Variants in HAGHL observed in about 807,000 individuals in gnomAD.
The protein encoded by HAGHL is hydroxyacylglutathione hydrolase like, also known as hydroxyacylglutathione hydrolase-like protein.
HAGHL carries 27 observed loss-of-function variants against 29.2 expected under a neutral mutation model. The ratio of observed to expected loss-of-function variants is 0.92; its 90% CI spans 0.68 to 1.27. HAGHL has a LOEUF of 1.27. Ranked by LOEUF, HAGHL falls within the 50% of genes most tolerant of loss-of-function variation. The pLI is 0.00. For synonymous variants in HAGHL, 223 were observed against 185.7 expected (o/e 1.20, Z -1.63); for missense variants, 529 against 405.5 (o/e 1.30, Z -2.62).
In HAGHL at chr16:729,275, C is replaced by A; in HGVS notation, c.681-13C>A. ...GCAGCGGGCCCTGCGCCTCACTGCACCCCTCCCTGCAGAGAGGAGCCGGTG... is the reference window on the plus strand; with the variant it reads ...GCAGCGGGCCCTGCGCCTCACTGCAACCCTCCCTGCAGAGAGGAGCCGGTG... On this transcript the variant is annotated splice_polypyrimidine_tract_variant and intron_variant, in intron 7 of 7. Transcript: ENST00000389703. The A allele has an allele frequency of 6.6e-7, 1 of 1,516,366 alleles. No individual in the cohort carries two copies. 93.9% of individuals were successfully genotyped at this position (1,516,366 alleles called of 1,614,324 possible). A position where few individuals can be genotyped will look rare whatever the true frequency, so the allele number is the denominator to read the frequency against.
chr16:728,946 C>A (rs1208534743), intron 6 of HAGHL, 51 bp downstream of exon 6: 3 of 1,453,910 alleles, frequency 2.1e-6, no homozygotes, highest in Admixed American at 2.2e-5. Context: ...AGGGAACAGG[C>A]TTCGGGGTGG....
At chr16:727,846 C>T in intron 1 of HAGHL, 119 bp from the exon 2 acceptor site, 1 of 1,112,248 alleles carries the variant, frequency 9.0e-7, no homozygotes, top group Non-Finnish European at 1.3e-6. Context: ...GCTGGGTCCC[C>T]GCTCCCCGGC....
intron 1 of HAGHL, 163 bp downstream of exon 1, chr16:727,777 C>CCT: frequency 1.4e-6 from 1 of 733,984 alleles, no homozygotes; most frequent in Non-Finnish European, 2.2e-6. Context: ...GCACCTCTGG[C>CCT]CTCCGCCCTT....
intron 7 of HAGHL, 81 bp downstream of exon 7, chr16:729,169 G>T (rs1262466185): frequency 6.3e-7 from 1 of 1,580,870 alleles, no homozygotes; most frequent in East Asian, 2.3e-5. Flanking sequence ...GTTGGGCTGA[G>T]TGAGCATCTC....
intron 7 of HAGHL, 93 bp from the exon 8 acceptor site, chr16:729,192 GGCT>G (rs2041227083): frequency 2.6e-6 from 4 of 1,565,454 alleles, no homozygotes; most frequent in Non-Finnish European, 3.5e-6. Context: ...GCTTGGGGGA[GGCT>G]GCTCATTAAG....
intron 1 of HAGHL, 55 bp downstream of exon 1, chr16:727,669 C>A: frequency 8.2e-7 from 1 of 1,213,996 alleles, no homozygotes; most frequent in Non-Finnish European, 1.2e-6. Flanking sequence ...AGAGCCTCCC[C>A]GACCCCCCTG....
In HAGHL at chr16:729,359, G is replaced by A. The variant is rs567779896; in HGVS notation, c.752G>A (p.Arg251Gln). Residue 251 changes from arginine to glutamine, a missense_variant, in exon 8 of 8, where the codon CGG becomes CAG. Physicochemically the swap from Arg to Gln is conservative, Grantham distance 43 (BLOSUM62 1). Transcript: ENST00000389703. ...GTCCTGGAGGCGCTATGCAAGGAGC[G>A]GGCGCGCTTCGAACAGGCGGGCGAG... ...ADVLEALCKE[R>Q]ARFEQAGEPR... The A allele has an allele frequency of 5.2e-6, 8 of 1,532,916 alleles. No homozygotes were observed. The highest frequency in any genetic ancestry group is 6.1e-6 in the Non-Finnish European group (7 of 1,141,526). The allele number at this position is 1,532,916 out of a possible 1,614,324, so 95.0% of individuals were successfully genotyped here.
At position 727,401 on chromosome 16, in the gene HAGHL, G is replaced by C. The variant is rs1219859680; in HGVS notation, c.-109G>C. 1 of 611,606 alleles carries C rather than the reference G, an allele frequency of 1.6e-6. No individual in the cohort carries two copies. The highest frequency in any genetic ancestry group is 3.1e-5 in the East Asian group (1 of 32,130). The allele number at this position is 611,606 out of a possible 1,614,324, so 37.9% of individuals were successfully genotyped here. A position where few individuals can be genotyped will look rare whatever the true frequency, so the allele number is the denominator to read the frequency against. On this transcript the variant is annotated 5_prime_UTR_variant, in exon 1 of 8. Coordinates refer to ENST00000389703, the MANE Select transcript of HAGHL (RefSeq NM_032304.4). ...GGCCCCCAGCGTGTTGACCGAGCCCGCTTCGCACAGCCCTTCCTAGGGTGT... is the reference window on the plus strand; with the variant it reads ...GGCCCCCAGCGTGTTGACCGAGCCCCCTTCGCACAGCCCTTCCTAGGGTGT...
Position 728,046 on chromosome 16 carries a change from C to T in HAGHL, c.170+17C>T. The T allele has an allele frequency of 6.3e-7, 1 of 1,576,290 alleles. No homozygotes were observed. Among genetic ancestry groups the T allele is most frequent in the Admixed American group, 1.8e-5 (1 of 55,864 alleles). On this transcript the variant is annotated intron_variant, in intron 2 of 7. Coordinates refer to ENST00000389703, the MANE Select transcript of HAGHL (RefSeq NM_032304.4). ...CCATCACTGGTGAGCGCCGGCGGGG[C>T]GCGGGGAGGCACGAGGACGCCGCCT... is the stretch of plus-strand genomic sequence containing the variant.
chr16:728,535 G>T lies in HAGHL; in HGVS notation c.429G>T (p.Ser143=), dbSNP rs1336389005. Residue 143 remains serine (S), a synonymous_variant, in exon 5 of 8, where the codon TCG becomes TCT. Transcript: ENST00000389703. The stretch of plus-strand genomic sequence containing the variant: ...CGCTGTCGGTGGCCGGCTGCGGCTC[G>T]TGCCTGGAGGGCAGCGCCCAGCAGA... ...GDALSVAGCG[S]CLEGSAQQMY... The T allele has an allele frequency of 1.3e-6, 2 of 1,526,594 alleles. No individual in the cohort carries two copies. Among genetic ancestry groups the T allele is most frequent in the Non-Finnish European group, 1.7e-6 (2 of 1,143,012 alleles). 94.6% of individuals were successfully genotyped at this position (1,526,594 alleles called of 1,614,324 possible).
rs998530881 is a variant in HAGHL, at chr16:727,315, C to T, written c.-195C>T. 6 of 517,358 alleles carry T rather than the reference C, an allele frequency of 1.2e-5. No individual in the cohort carries two copies. The highest frequency in any genetic ancestry group is 2.1e-5 in the Non-Finnish European group (6 of 287,512). 32.0% of individuals were successfully genotyped at this position (517,358 alleles called of 1,614,324 possible). On this transcript the variant is annotated 5_prime_UTR_variant, in exon 1 of 8. Coordinates refer to ENST00000389703, the MANE Select transcript of HAGHL (RefSeq NM_032304.4). ...CGGCCGGGTTCCGCTCCTGCTGGAGCCCGGTGCGTGGAATTCCACGCGAGT... is the reference window on the plus strand; with the variant it reads ...CGGCCGGGTTCCGCTCCTGCTGGAGTCCGGTGCGTGGAATTCCACGCGAGT...
chr16:729,148 G>A, intron 7 of HAGHL, 60 bp downstream of exon 7: 1 of 1,594,686 alleles, frequency 6.3e-7, no homozygotes, highest in Non-Finnish European at 8.5e-7. Context: ...GAAGGCATCT[G>A]GGGACTGCGT....
chr16:729,222 C>A (rs1341207378), intron 7 of HAGHL, 66 bp from the exon 8 acceptor site: 128 of 1,546,002 alleles, frequency 8.3e-5, no homozygotes, highest in Non-Finnish European at 1.0e-4. Flanking sequence ...CCTGCCCGCC[C>A]ACCCCTCGGC....
Position 727,432 on chromosome 16 carries a change from G to A in HAGHL, c.-78G>A. ...CACAGCCCTTCCTAGGGTGTGGAGA[G>A]CGGGCCCCGCCCTGAAGGGGCACCG... On this transcript the variant is annotated 5_prime_UTR_variant, in exon 1 of 8. Coordinates refer to ENST00000389703, the MANE Select transcript of HAGHL (RefSeq NM_032304.4). The A allele has an allele frequency of 1.2e-6, 1 of 818,804 alleles. No individual in the cohort carries two copies. Among genetic ancestry groups the A allele is most frequent in the Non-Finnish European group, 2.0e-6 (1 of 490,596 alleles). The allele number at this position is 818,804 out of a possible 1,614,324, so 50.7% of individuals were successfully genotyped here.
chr16:729,309 C>G lies in HAGHL; in HGVS notation c.702C>G (p.Phe234Leu). Residue 234 changes from phenylalanine (F) to leucine (L), a missense_variant, in exon 8 of 8, where the codon TTC becomes TTG. Physicochemically the swap from Phe to Leu is conservative, Grantham distance 22. Coordinates refer to ENST00000389703, the MANE Select transcript of HAGHL (RefSeq NM_032304.4). ...LRVAEEPVRK[F>L]TGKAVPADVL... Reference sequence around the variant, plus strand: ...GCAGAGAGGAGCCGGTGCGCAAGTTCACGGGCAAGGCGGTCCCCGCCGACG... The same window carrying G: ...GCAGAGAGGAGCCGGTGCGCAAGTTGACGGGCAAGGCGGTCCCCGCCGACG... 6.5e-7 allele frequency: 1 copy of G among 1,531,318 alleles called. No individual in the cohort carries two copies. The highest frequency in any genetic ancestry group is 8.8e-7 in the Non-Finnish European group (1 of 1,139,770). The allele number at this position is 1,531,318 out of a possible 1,614,324, so 94.9% of individuals were successfully genotyped here. A position where few individuals can be genotyped will look rare whatever the true frequency, so the allele number is the denominator to read the frequency against.
chr16:728,349 C>CCCGGCCACACCG lies in HAGHL; in HGVS notation c.332_343dup (p.Thr111_His114dup). ...CATCCACGTGCGTTGCCTCCTGACG[C>CCCGGCCACACCG]CCGGCCACACCGCCGGCCACATGAG... On this transcript the variant is annotated inframe_insertion, in exon 4 of 8. Coordinates refer to ENST00000389703, the MANE Select transcript of HAGHL (RefSeq NM_032304.4). 6.4e-7 allele frequency: 1 copy of CCCGGCCACACCG among 1,573,184 alleles called. No individual in the cohort carries two copies. Among genetic ancestry groups the CCCGGCCACACCG allele is most frequent in the East Asian group, 2.3e-5 (1 of 43,250 alleles).
At position 729,648 on chromosome 16, in the gene HAGHL, C is replaced by T. The variant is rs187310062; in HGVS notation, c.*192C>T. 93 of 1,514,772 alleles carry T rather than the reference C, an allele frequency of 6.1e-5. No individual in the cohort carries two copies. Among genetic ancestry groups the T allele is most frequent in the Admixed American group, 1.5e-4 (7 of 48,142 alleles). The allele number at this position is 1,514,772 out of a possible 1,614,324, so 93.8% of individuals were successfully genotyped here. A position where few individuals can be genotyped will look rare whatever the true frequency, so the allele number is the denominator to read the frequency against. On this transcript the variant is annotated 3_prime_UTR_variant, in exon 8 of 8. Transcript: ENST00000389703. ...CACTCAGTGGGGCCTGTGTGGGCGC[C>T]GAGACCTGGGTGTCTGGGAAGTGGG...
In HAGHL at chr16:729,479, T is replaced by TG. The variant is rs2041240757; in HGVS notation, c.*27dup. On this transcript the variant is annotated 3_prime_UTR_variant, in exon 8 of 8. Coordinates refer to ENST00000389703, the MANE Select transcript of HAGHL (RefSeq NM_032304.4). The stretch of plus-strand genomic sequence containing the variant: ...TGAGCCACCCAGACCCTCACAGGGC[T>TG]GGGGCCTGCGTCCCTCCTCGTGACC... 6.5e-7 allele frequency: 1 copy of TG among 1,538,856 alleles called. No homozygotes were observed. Among genetic ancestry groups the TG allele is most frequent in the African/African-American group, 1.4e-5 (1 of 73,110 alleles).
At chr16:729,118 A>G (rs2041223081) in intron 7 of HAGHL, 30 bp downstream of exon 7, 1 of 1,604,654 alleles carries the variant, frequency 6.2e-7, no homozygotes, top group Middle Eastern at 1.7e-4. Context: ...CGGGGCCTCC[A>G]CCGTTACGTG....
Sources: gnomAD v4.1 joint callset for allele counts on GRCh38, gnomAD v4.1.1 for gene constraint, MANE v1.5 for transcripts, NCBI Gene and HGNC (gene_info 2026-07-23, HGNC 2026-07-21) for gene names.